TTBK2: variants seen among roughly 807,000 people sequenced by gnomAD.
TTBK2 encodes tau tubulin kinase 2.
In TTBK2, 28 loss-of-function variants were observed where a neutral mutation model predicts 110.8. The observed-to-expected ratio is 0.25, with a 90% CI of 0.19 to 0.35. The LOEUF is 0.35. Among genes scored for constraint, TTBK2 ranks in the 10% least tolerant of loss-of-function variants. The probability of loss-of-function intolerance (pLI) is 1.00; values close to 1 mark genes in which losing one functional copy is unlikely to be tolerated. For synonymous variants in TTBK2, 532 were observed against 527.3 expected, an observed-to-expected ratio of 1.01 and a Z score of -0.12; for missense variants, 1,369 against 1,500.3, an observed-to-expected ratio of 0.91 and a Z score of 1.45.
chr15:42,859,604 C>T lies in TTBK2; in HGVS notation c.217+13007G>A, dbSNP rs533629503. On this transcript the variant is annotated intron_variant, in intron 3 of 14. Coordinates refer to ENST00000267890, the MANE Select transcript of TTBK2 (RefSeq NM_173500.4). ...GGACTATGGAATGCCTCCCCTCTCT[C>T]CACCCATTACCACATTACTAACAGT... 1.1e-4 allele frequency among the ~76,000 whole-genome samples: 16 copies of T among 152,282 alleles called. No individual in the cohort carries two copies. The East Asian group carries it at 2.9e-3, about 28-fold the overall frequency.
chr15:42,852,536 G>A (rs532463214), intron 3 of TTBK2, among the ~76,000 whole-genome samples: 2 of 152,236 alleles, frequency 1.3e-5, no homozygotes, highest in South Asian at 2.1e-4. Context: ...AATGTTCTTT[G>A]TGCATATGGA....
intron 3 of TTBK2, among the ~76,000 whole-genome samples, chr15:42,864,203 C>T (rs1894271095): frequency 6.6e-6 from 1 of 152,134 alleles, no homozygotes; most frequent in Non-Finnish European, 1.5e-5. Flanking sequence ...GTCTAATAAT[C>T]AGAATTTATA....
chr15:42,811,035 G>T (rs1405253328), intron 8 of TTBK2, among the ~76,000 whole-genome samples: 3 of 152,102 alleles, frequency 2.0e-5, no homozygotes, highest in African/African-American at 7.2e-5. Flanking sequence ...CTGTCACCCA[G>T]GCTGAAGTGC....
chr15:42,795,331 T>C (rs1466782708), intron 9 of TTBK2, among the ~76,000 whole-genome samples: 1 of 152,022 alleles, frequency 6.6e-6, no homozygotes, highest in African/African-American at 2.4e-5. Flanking sequence ...CATATATAAA[T>C]TATCAAAAAA....
At chr15:42,790,742 C>T (rs962328346) in intron 10 of TTBK2, among the ~76,000 whole-genome samples, 1 of 152,006 alleles carries the variant, frequency 6.6e-6, no homozygotes, top group African/African-American at 2.4e-5. Context: ...CGTTGTTGCC[C>T]AGGCTGGAAT....
At chr15:42,796,559 T>C (rs1890954578) in intron 9 of TTBK2, among the ~76,000 whole-genome samples, 1 of 151,918 alleles carries the variant, frequency 6.6e-6, no homozygotes, top group Admixed American at 6.5e-5. Flanking sequence ...AAAAAAGGAG[T>C]GGCCAGTGAG....
At chr15:42,762,295 A>G (rs1286450560) in intron 13 of TTBK2, among the ~76,000 whole-genome samples, 2 of 152,218 alleles carry the variant, frequency 1.3e-5, no homozygotes, top group African/African-American at 4.8e-5. Flanking sequence ...CAATTCAGCA[A>G]TCCCACTACT....
intron 10 of TTBK2, among the ~76,000 whole-genome samples, chr15:42,791,127 G>A (rs189999548): frequency 4.5e-4 from 68 of 152,162 alleles, no homozygotes; most frequent in Admixed American, 3.9e-3. Flanking sequence ...CTCATGATCC[G>A]CCCGCCTTGG....
At chr15:42,768,421 G>T (rs532849197) in intron 13 of TTBK2, among the ~76,000 whole-genome samples, 91 of 152,258 alleles carry the variant, frequency 6.0e-4, no homozygotes, top group African/African-American at 2.1e-3. Context: ...AAAGTCTCAG[G>T]ATACAAAATC....
At chr15:42,783,351 C>T in intron 11 of TTBK2, 68 bp downstream of exon 11, 1 of 1,510,620 alleles carries the variant, frequency 6.6e-7, no homozygotes. Flanking sequence ...GCCTAGCCTT[C>T]CTTCTTGGAC....
At chr15:42,904,892 C>T (rs2682074) in intron 1 of TTBK2, among the ~76,000 whole-genome samples, 69,043 of 150,110 alleles carry the variant, frequency 0.46, 20,598 homozygotes, top group African/African-American at 0.85. Context: ...TTTTTTTTGA[C>T]GCAGGGTCTT....
intron 10 of TTBK2, among the ~76,000 whole-genome samples, chr15:42,789,943 G>C (rs2140844070): frequency 6.6e-6 from 1 of 151,544 alleles, no homozygotes; most frequent in East Asian, 2.0e-4. Flanking sequence ...CTCGGCTATG[G>C]TAAATACTGC....
At chr15:42,851,710 A>C (rs1396254463) in intron 3 of TTBK2, among the ~76,000 whole-genome samples, 3 of 152,074 alleles carry the variant, frequency 2.0e-5, no homozygotes, top group Non-Finnish European at 2.9e-5. Flanking sequence ...GTATATATAT[A>C]TCTATACATA....
intron 9 of TTBK2, chr15:42,802,261 C>A: frequency 1.2e-6 from 1 of 810,128 alleles, no homozygotes; most frequent in Non-Finnish European, 2.2e-6. Flanking sequence ...TGCACCCAGG[C>A]CACCCCGGAA....
chr15:42,815,949 TAAA>T (rs375184494), intron 7 of TTBK2, among the ~76,000 whole-genome samples: 21 of 37,156 alleles, frequency 5.7e-4, no homozygotes, highest in South Asian at 1.4e-3. Flanking sequence ...TATATATATT[TAAA>T]AAAAAAATAT....
At chr15:42,863,818 G>A (rs1339153541) in intron 3 of TTBK2, among the ~76,000 whole-genome samples, 2 of 152,132 alleles carry the variant, frequency 1.3e-5, no homozygotes, top group South Asian at 2.1e-4. Flanking sequence ...GTCAACAAGA[G>A]CAAGAAATGT....
chr15:42,897,886 C>T (rs574056564), intron 1 of TTBK2, among the ~76,000 whole-genome samples: 3 of 151,154 alleles, frequency 2.0e-5, no homozygotes. Context: ...ATCAGCTTCA[C>T]TACTCAAAAA....
At chr15:42,788,276 T>A (rs1347977177) in intron 10 of TTBK2, among the ~76,000 whole-genome samples, 3 of 152,178 alleles carry the variant, frequency 2.0e-5, no homozygotes, top group African/African-American at 4.8e-5. Context: ...ACTTCTACTT[T>A]ATGGAACTAC....
intron 11 of TTBK2, among the ~76,000 whole-genome samples, chr15:42,780,073 A>C (rs1270223817): frequency 6.6e-6 from 1 of 151,428 alleles, no homozygotes; most frequent in Non-Finnish European, 1.5e-5. Flanking sequence ...CCTAGGCTGG[A>C]GTGCAGTGGC....
Sources: allele counts gnomAD v4.1 joint callset (sites outside exome capture counted in the v4.1 genomes callset), GRCh38; gene constraint gnomAD v4.1.1; transcripts MANE v1.5; gene names NCBI Gene and HGNC (gene_info 2026-07-23, HGNC 2026-07-21).